The following CFAP251 variants were observed in gnomAD, a reference collection of about 807,000 sequenced individuals.
The protein encoded by CFAP251 is cilia- and flagella-associated protein 251.
In CFAP251, 93 loss-of-function variants were observed where a neutral mutation model predicts 126.7. The observed-to-expected ratio is 0.73, with a 90% confidence interval of 0.62 to 0.87. The LOEUF (loss-of-function observed/expected upper bound fraction) is 0.87, where lower values mean the gene tolerates loss of function less well. CFAP251 is among the 40% of genes least tolerant of loss of function. CFAP251 has a pLI of 0.00. For missense variants in CFAP251, 1,287 were observed against 1,389.2 expected (o/e 0.93, Z 1.17); for synonymous variants, 503 against 506.9 (o/e 0.99, Z 0.10).
At chr12:121,991,479 G>A (rs899068890) in intron 19 of CFAP251, among the ~76,000 whole-genome samples, 1 of 152,018 alleles carries the variant, frequency 6.6e-6, no homozygotes, top group Non-Finnish European at 1.5e-5. Context: ...TTGACTTCAC[G>A]TGACCTAGGG....
intron 19 of CFAP251, among the ~76,000 whole-genome samples, chr12:121,995,261 G>A (rs1322093259): frequency 6.6e-6 from 1 of 152,180 alleles, no homozygotes; most frequent in East Asian, 1.9e-4. Context: ...GTAAATAGTA[G>A]CATTCCTATG....
intron 19 of CFAP251, among the ~76,000 whole-genome samples, chr12:121,990,943 G>A (rs1193317761): frequency 6.6e-6 from 1 of 152,186 alleles, no homozygotes; most frequent in East Asian, 1.9e-4. Context: ...AATATTTGCT[G>A]ACCCCAGTGA....
chr12:121,931,862 C>T lies in CFAP251; in HGVS notation c.864C>T (p.Phe288=), dbSNP rs1880706575. The T allele has an allele frequency of 6.3e-7, 1 of 1,581,004 alleles. No individual in the cohort carries two copies. Among genetic ancestry groups the T allele is most frequent in the Non-Finnish European group, 8.6e-7 (1 of 1,165,762 alleles). The change falls in exon 4 of 22, where the codon TTC becomes TTT. Residue 288 remains phenylalanine, a synonymous_variant. Transcript: ENST00000288912. ...CAHTAIIYNV[F]RNNQYHLQGH... is the part of the protein sequence containing the mutation. The stretch of plus-strand genomic sequence containing the variant: ...ACACTGCGATCATCTACAACGTGTT[C>T]AGGAACAATCAATACCACCTTCAGG...
At position 121,929,648 on chromosome 12, in the gene CFAP251, C is replaced by T. The variant is rs143891461; in HGVS notation, c.748-2098C>T. 1.2e-3 allele frequency among the ~76,000 whole-genome samples: 177 copies of T among 152,122 alleles called. 2 individuals are homozygous for T. The highest frequency in any genetic ancestry group is 3.9e-3 in the African/African-American group (163 of 41,522). On this transcript the variant is annotated intron_variant, in intron 3 of 21. Transcript: ENST00000288912. ...CCCTGTCCTCCACCGATCCATCCCT[C>T]CCTTCCTCCCCTGAGCCCTGGCAAC...
intron 8 of CFAP251, chr12:121,950,126 A>G (rs981789762): frequency 6.6e-5 from 10 of 152,266 alleles, no homozygotes; most frequent in African/African-American, 1.9e-4. Flanking sequence ...TGGTCTATCC[A>G]TACAATGGAA....
chr12:121,938,011 T>C (rs1400937040), intron 5 of CFAP251, among the ~76,000 whole-genome samples: 2 of 152,082 alleles, frequency 1.3e-5, no homozygotes, highest in Non-Finnish European at 2.9e-5. Flanking sequence ...TTTGTTTTGT[T>C]TTTGTTTTTG....
chr12:121,960,947 A>G (rs866466871), intron 14 of CFAP251, among the ~76,000 whole-genome samples, 189 bp downstream of exon 14: 1 of 151,854 alleles, frequency 6.6e-6, no homozygotes, highest in African/African-American at 2.4e-5. Context: ...CCACCTGGGG[A>G]CTCCTGTGCT....
intron 2 of CFAP251, 51 bp downstream of exon 2, chr12:121,921,734 A>G (rs371882698): frequency 1.3e-6 from 2 of 1,551,246 alleles, no homozygotes; most frequent in African/African-American, 1.4e-5. Flanking sequence ...TCATTAGTTG[A>G]ATGCTTAGTA....
intron 15 of CFAP251, among the ~76,000 whole-genome samples, 196 bp downstream of exon 15, chr12:121,962,358 G>A (rs1196812235): frequency 6.6e-6 from 1 of 152,186 alleles, no homozygotes; most frequent in Non-Finnish European, 1.5e-5. Flanking sequence ...GTGGAGGTGA[G>A]ATGTGCAGAA....
At chr12:121,927,042 C>A (rs192474482) in intron 3 of CFAP251, among the ~76,000 whole-genome samples, 36 of 152,260 alleles carry the variant, frequency 2.4e-4, no homozygotes, top group Non-Finnish European at 4.6e-4. Flanking sequence ...TACACACACC[C>A]CCACCCAATC....
intron 13 of CFAP251, 23 bp downstream of exon 13, chr12:121,959,117 C>T: frequency 6.4e-7 from 1 of 1,557,884 alleles, no homozygotes; most frequent in Non-Finnish European, 8.6e-7. Context: ...ATGGACAACC[C>T]ATCCAGTGGC....
At chr12:121,927,997 C>T (rs1214194035) in intron 3 of CFAP251, among the ~76,000 whole-genome samples, 1 of 152,184 alleles carries the variant, frequency 6.6e-6, no homozygotes, top group African/African-American at 2.4e-5. Flanking sequence ...CTGCAAAACA[C>T]GATGATTAAT....
intron 3 of CFAP251, among the ~76,000 whole-genome samples, chr12:121,924,420 T>C (rs1317412131): frequency 8.1e-6 from 1 of 124,152 alleles, no homozygotes; most frequent in Non-Finnish European, 1.8e-5. Context: ...CGGCCTAGAC[T>C]TGTGTCTTTT....
At chr12:121,971,366 T>A (rs1882323294) in intron 17 of CFAP251, among the ~76,000 whole-genome samples, 1 of 152,208 alleles carries the variant, frequency 6.6e-6, no homozygotes, top group Admixed American at 6.5e-5. Flanking sequence ...CTTAAGCCAG[T>A]CCGTGGGCTT....
In CFAP251 at chr12:121,928,651, T is replaced by TATAC. The variant is rs1565902606; in HGVS notation, c.748-3092_748-3091insCATA. Reference sequence around the variant, plus strand: ...GTATATATATACGTATATATATATATATATACGTATATATATACGTATATA... The same window carrying TATAC: ...GTATATATATACGTATATATATATATATACATATACGTATATATATACGTATATA... On this transcript the variant is annotated intron_variant, in intron 3 of 21. Transcript: ENST00000288912. Among the ~76,000 whole-genome samples the TATAC allele has an allele frequency of 1.7e-4, 6 of 36,040 alleles. No homozygotes were observed. The East Asian group carries it at 2.5e-3, about 15-fold the overall frequency. 23.6% of individuals were successfully genotyped at this position (36,040 alleles called of 152,430 possible).
At chr12:121,950,394 A>G (rs961801248) in intron 8 of CFAP251, 13 of 152,154 alleles carry the variant, frequency 8.5e-5, no homozygotes, top group African/African-American at 3.1e-4. Context: ...GTTGCTCAGC[A>G]TTGTGAATGT....
chr12:121,962,823 G>C (rs1442702940), intron 15 of CFAP251, among the ~76,000 whole-genome samples: 1 of 152,132 alleles, frequency 6.6e-6, no homozygotes, highest in Non-Finnish European at 1.5e-5. Context: ...GGAAGCGAGG[G>C]GCTGCTGTGC....
At chr12:121,971,948 T>C in intron 17 of CFAP251, 1 of 266,528 alleles carries the variant, frequency 3.8e-6, no homozygotes, top group South Asian at 4.7e-5. Context: ...GGAAACCTGT[T>C]TCACTTGGCT....
Position 121,958,278 on chromosome 12 carries a change from T to C in CFAP251, c.1737T>C (p.Phe579=). The C allele has an allele frequency of 6.2e-7, 1 of 1,614,016 alleles. No homozygotes were observed. Among genetic ancestry groups the C allele is most frequent in the Admixed American group, 1.7e-5 (1 of 60,028 alleles). Residue 579 remains phenylalanine (F), a synonymous_variant, in exon 12 of 22, where the codon TTT becomes TTC. Coordinates refer to ENST00000288912, the MANE Select transcript of CFAP251 (RefSeq NM_144668.6). Reference sequence around the variant, plus strand: ...GTCTCTCCTTGGCAAACAGGAATTTTATCATTGGAACATCTGATGCCGCGG... The same window carrying C: ...GTCTCTCCTTGGCAAACAGGAATTTCATCATTGGAACATCTGATGCCGCGG... ...LKGDLFVLRN[F]IIGTSDAAVY...
Sources: gnomAD v4.1 joint callset for allele counts (sites outside exome capture counted in the v4.1 genomes callset) on GRCh38, gnomAD v4.1.1 for gene constraint, MANE v1.5 for transcripts, NCBI Gene and HGNC (gene_info 2026-07-23, HGNC 2026-07-21) for gene names.